Variants in PCNT observed in about 807,000 individuals in gnomAD.
PCNT encodes pericentrin, also known as kendrin.
A neutral mutation model predicts 380.4 loss-of-function variants in PCNT; 319 were observed. The observed-to-expected ratio is 0.84, with a 90% CI of 0.77 to 0.92. PCNT has a LOEUF of 0.92. Ranked by LOEUF, PCNT falls within the 40% of genes least tolerant of loss-of-function variation. PCNT has a pLI of 0.00. For synonymous variants in PCNT, 1,845 were observed against 1,735.2 expected, an observed-to-expected ratio of 1.06 and a Z score of -1.57; for missense variants, 4,400 against 4,255.3, an observed-to-expected ratio of 1.03 and a Z score of -0.95.
Position 46,416,084 on chromosome 21 carries a change from C to T in PCNT, c.6166C>T (p.Leu2056=), listed in dbSNP as rs2147768991. Residue 2056 remains leucine (L), a synonymous_variant, in exon 30 of 47, where the codon CTG becomes TTG. Transcript: ENST00000359568. ...TCACCTGCAGGGTAAAGAAAAAGTA[C>T]TGGAAGATTGTCAGCTGCCGAAGGT... ...EDGGKGKEKV[L]EDCQLPKVDL... is the part of the protein sequence containing the mutation. 6.2e-7 allele frequency: 1 copy of T among 1,614,112 alleles called. No homozygotes were observed.
intron 24 of PCNT, 110 bp downstream of exon 24, chr21:46,398,365 G>A: frequency 1.4e-5 from 16 of 1,133,444 alleles, no homozygotes; most frequent in Non-Finnish European, 2.1e-5. Context: ...TGTTTGGGCT[G>A]CAGCCATCTG....
chr21:46,383,101 C>T (rs1163315084), intron 16 of PCNT, among the ~76,000 whole-genome samples: 3 of 147,688 alleles, frequency 2.0e-5, no homozygotes, highest in Admixed American at 6.8e-5. Context: ...GAAGCGCATT[C>T]ACAGTGCTGT....
chr21:46,372,424 C>T (rs2085183267), intron 15 of PCNT, among the ~76,000 whole-genome samples: 1 of 152,270 alleles, frequency 6.6e-6, no homozygotes, highest in Admixed American at 6.5e-5. Context: ...CACATGCACA[C>T]ATGTCATTCT....
intron 32 of PCNT, among the ~76,000 whole-genome samples, chr21:46,424,884 G>C (rs2087430069): frequency 6.6e-6 from 1 of 152,128 alleles, no homozygotes; most frequent in African/African-American, 2.4e-5. Context: ...AGTTGTTAGA[G>C]ATGAACATAG....
chr21:46,349,064 G>T lies in PCNT; in HGVS notation c.1085G>T (p.Arg362Leu), dbSNP rs1230350919. 1.2e-6 allele frequency: 2 copies of T among 1,607,110 alleles called. No homozygotes were observed. Among genetic ancestry groups the T allele is most frequent in the African/African-American group, 1.3e-5 (1 of 74,766 alleles). Residue 362 changes from arginine to leucine, a missense_variant, in exon 7 of 47, where the codon CGC (arginine) becomes CTC (leucine). Coordinates refer to ENST00000359568, the MANE Select transcript of PCNT (RefSeq NM_006031.6). Reference protein sequence around the residue: ...SEKDLCLENLRKELSAKHQSE... With the variant: ...SEKDLCLENLLKELSAKHQSE... ...AAAGATTTATGTTTAGAAAATCTAC[G>T]CAAAGAACTGTCTGCAAAGCATCAA...
At chr21:46,340,455 G>T (rs1376936299) in intron 3 of PCNT, among the ~76,000 whole-genome samples, 1 of 152,126 alleles carries the variant, frequency 6.6e-6, no homozygotes, top group East Asian at 1.9e-4. Flanking sequence ...CTAAACCTCT[G>T]TTCATCTGTA....
intron 15 of PCNT, among the ~76,000 whole-genome samples, chr21:46,369,232 TTG>T (rs1189703193): frequency 6.6e-6 from 1 of 152,158 alleles, no homozygotes; most frequent in Admixed American, 6.5e-5. Flanking sequence ...GGGATGTGTT[TTG>T]TTTGTTTCTT....
At position 46,436,944 on chromosome 21, in the gene PCNT, C is replaced by T. The variant is rs373045070; in HGVS notation, c.8997-35C>T. The T allele has an allele frequency of 1.3e-4, 191 of 1,431,556 alleles. 2 individuals carry two copies. The East Asian group carries it at 3.1e-3, about 23-fold the overall frequency. The allele number at this position is 1,431,556 out of a possible 1,614,324, so 88.7% of individuals were successfully genotyped here. On this transcript the variant is annotated intron_variant, in intron 39 of 46. Transcript: ENST00000359568. ...TTTTGCATAATGGTCACTTGGGGCG[C>T]GTATGCAACTTTGAGTGCCCATTTA...
intron 3 of PCNT, 135 bp from the exon 4 acceptor site, chr21:46,345,993 T>G (rs986760177): frequency 2.5e-6 from 2 of 815,842 alleles, no homozygotes; most frequent in Non-Finnish European, 4.2e-6. Flanking sequence ...TCCCACCTTC[T>G]GGCCGTTGCG....
intron 13 of PCNT, among the ~76,000 whole-genome samples, chr21:46,359,238 C>T (rs1258634667): frequency 6.8e-6 from 1 of 147,448 alleles, no homozygotes; most frequent in Non-Finnish European, 1.5e-5. Context: ...CAGGCGTGAG[C>T]CACCGAACCT....
At chr21:46,434,313 A>G (rs993701351) in intron 38 of PCNT, among the ~76,000 whole-genome samples, 1 of 152,228 alleles carries the variant, frequency 6.6e-6, no homozygotes, top group African/African-American at 2.4e-5. Context: ...AGGAGGGTAG[A>G]GTCTGAGCTG....
At chr21:46,434,783 T>C (rs2087897672) in intron 38 of PCNT, among the ~76,000 whole-genome samples, 1 of 152,178 alleles carries the variant, frequency 6.6e-6, no homozygotes, top group Non-Finnish European at 1.5e-5. Flanking sequence ...GGCTCATACG[T>C]GTGTGCATGT....
In PCNT at chr21:46,326,699, AAG is replaced by A. The variant is rs568951473; in HGVS notation, c.267+113_267+114del. ...TGTTTTTGCCTTTCAAAAGTGAGGA[AAG>A]AGGGTGTTATTTTAGTTTATAAAAA... is the stretch of plus-strand genomic sequence containing the variant. On this transcript the variant is annotated intron_variant, in intron 2 of 46. Coordinates refer to ENST00000359568, the MANE Select transcript of PCNT (RefSeq NM_006031.6). The A allele has an allele frequency of 2.5e-4, 296 of 1,167,510 alleles. 1 individual carries two copies. The highest frequency in any genetic ancestry group is 1.7e-3 in the Middle Eastern group (6 of 3,614). 72.3% of individuals were successfully genotyped at this position (1,167,510 alleles called of 1,614,324 possible).
At position 46,391,165 on chromosome 21, in the gene PCNT, T is replaced by C. The variant is rs1221281496; in HGVS notation, c.4005T>C (p.Gly1335=). 6.3e-7 allele frequency: 1 copy of C among 1,590,368 alleles called. No homozygotes were observed. ...ELALELHKTQ[G]TLEGFKVETA... is the part of the protein sequence containing the mutation. ...AGAGCATCTGTGTCTCCCACAAAGG[T>C]ACCCTTGAGGGATTCAAGGTGGAGA... is the stretch of plus-strand genomic sequence containing the variant. The change falls in exon 21 of 47, where the codon GGT becomes GGC. Residue 1335 remains glycine, a splice_region_variant and synonymous_variant. Coordinates refer to ENST00000359568, the MANE Select transcript of PCNT (RefSeq NM_006031.6).
intron 16 of PCNT, 110 bp downstream of exon 16, chr21:46,381,950 C>A: frequency 1.7e-6 from 2 of 1,199,156 alleles, no homozygotes; most frequent in Non-Finnish European, 2.5e-6. Context: ...TGGTGTTGTG[C>A]ATTTATAGTG....
Position 46,346,124 on chromosome 21 carries a change from C to T in PCNT, c.640-4C>T. The T allele has an allele frequency of 6.2e-7, 1 of 1,613,924 alleles. No individual in the cohort carries two copies. On this transcript the variant is annotated splice_region_variant and splice_polypyrimidine_tract_variant and intron_variant, in intron 3 of 46. Transcript: ENST00000359568. ...GACCTACATTCTTTGCCTTTTTTCC[C>T]CAGGAGTGTGAACAAGAATGTGAAC...
In PCNT at chr21:46,353,175, A is replaced by C; in HGVS notation, c.1528A>C (p.Thr510Pro). The change falls in exon 10 of 47, where the codon ACC becomes CCC. Residue 510 changes from threonine (T) to proline (P), a missense_variant. Thr to Pro is a conservative substitution (Grantham distance 38). Transcript: ENST00000359568. ...DLEQLKQREK[T>P]QHESELEQLR... ...AGAACAGCTGAAGCAGCGAGAAAAA[A>C]CCCAGCATGAGTCCGAACTGGAGCA... 6.2e-7 allele frequency: 1 copy of C among 1,613,998 alleles called. No homozygotes were observed. Among genetic ancestry groups the C allele is most frequent in the Non-Finnish European group, 8.5e-7 (1 of 1,180,004 alleles).
At chr21:46,335,070 A>C (rs1201825862) in intron 3 of PCNT, among the ~76,000 whole-genome samples, 3 of 152,144 alleles carry the variant, frequency 2.0e-5, no homozygotes, top group Non-Finnish European at 2.9e-5. Context: ...AAGAGAAGCC[A>C]CCCTTCATAA....
At chr21:46,373,431 C>CTTT (rs35866515) in intron 15 of PCNT, among the ~76,000 whole-genome samples, 4 of 116,650 alleles carry the variant, frequency 3.4e-5, no homozygotes, top group Non-Finnish European at 5.2e-5. Flanking sequence ...TGTCAATACT[C>CTTT]TTTTTTTTTT....
Sources: allele counts gnomAD v4.1 joint callset (sites outside exome capture counted in the v4.1 genomes callset), GRCh38; gene constraint gnomAD v4.1.1; transcripts MANE v1.5; gene names NCBI Gene and HGNC (gene_info 2026-07-23, HGNC 2026-07-21).